C22orf39: variants seen among roughly 807,000 people sequenced by gnomAD.
The protein encoded by C22orf39 is chromosome 22 open reading frame 39.
C22orf39 carries 20 observed loss-of-function variants against 18.3 expected under a neutral mutation model. The ratio of observed to expected loss-of-function variants is 1.09; its 90% confidence interval spans 0.77 to 1.59. The LOEUF is 1.59. C22orf39 is among the 40% of genes most tolerant of loss of function. The pLI is 0.00. For missense variants in C22orf39, 195 were observed against 156.1 expected, an observed-to-expected ratio of 1.25 and a Z score of -1.33; for synonymous variants, 63 against 59.6, an observed-to-expected ratio of 1.06 and a Z score of -0.26.
In C22orf39 at chr22:19,447,395, G is replaced by A. The variant is rs2089647432; in HGVS notation, c.175C>T (p.Arg59Trp). 3 of 1,503,316 alleles carry A rather than the reference G, an allele frequency of 2.0e-6. No homozygotes were observed. The highest frequency in any genetic ancestry group is 2.3e-4 in the Middle Eastern group (1 of 4,364). The allele number at this position is 1,503,316 out of a possible 1,614,324, so 93.1% of individuals were successfully genotyped here. A position where few individuals can be genotyped will look rare whatever the true frequency, so the allele number is the denominator to read the frequency against. The change falls in exon 2 of 3, where the codon CGG becomes TGG. Residue 59 changes from arginine to tryptophan, a missense_variant. By Grantham distance (101) the Arg-to-Trp change is moderately radical. Coordinates refer to ENST00000399562, the MANE Select transcript of C22orf39 (RefSeq NM_173793.5). ...LASCRDWEER[R>W]NAEAQQSLCE... ...CGGCGCACCTGGGCCTCGGCGTTCC[G>A]GCGCTCCTCCCAGTCGCGGCAGCTG...
At position 19,447,560 on chromosome 22, in the gene C22orf39, GGCGCCTGAGCGGGGCCCGGCGGCC is replaced by G. The variant is rs2089649810; in HGVS notation, c.25-39_25-16del. On this transcript the variant is annotated splice_polypyrimidine_tract_variant and intron_variant, in intron 1 of 2. Transcript: ENST00000399562. ...GGGCGCGGCGGCTGCGGCGAGAGGC[GGCGCCTGAGCGGGGCCCGGCGGCC>G]GCGCCCTACGCCCCGAGCCAGTCCC... 7.1e-7 allele frequency: 1 copy of G among 1,413,536 alleles called. No homozygotes were observed. The highest frequency in any genetic ancestry group is 9.2e-7 in the Non-Finnish European group (1 of 1,089,704). 87.6% of individuals were successfully genotyped at this position (1,413,536 alleles called of 1,614,324 possible).
Position 19,441,361 on chromosome 22 carries a change from T to C in C22orf39, c.*2904A>G, listed in dbSNP as rs1043309045. 3.0e-6 allele frequency: 1 copy of C among 335,176 alleles called. No homozygotes were observed. The highest frequency in any genetic ancestry group is 2.1e-5 in the African/African-American group (1 of 47,184). The allele number at this position is 335,176 out of a possible 1,614,324, so 20.8% of individuals were successfully genotyped here. A position where few individuals can be genotyped will look rare whatever the true frequency, so the allele number is the denominator to read the frequency against. ...AGAATTTCCTTGAGTTTCATCTGAG[T>C]TGCTGTGTGTACAGCAGTTACTGAA... On this transcript the variant is annotated 3_prime_UTR_variant, in exon 3 of 3. Coordinates refer to ENST00000399562, the MANE Select transcript of C22orf39 (RefSeq NM_173793.5).
In C22orf39 at chr22:19,443,368, G is replaced by C; in HGVS notation, c.*897C>G. On this transcript the variant is annotated 3_prime_UTR_variant, in exon 3 of 3. Coordinates refer to ENST00000399562, the MANE Select transcript of C22orf39 (RefSeq NM_173793.5). ...AATAAACAGACCTCTTCAAGAAATA[G>C]TGTTTTTGGTGGTTCATACATTTTA... The C allele has an allele frequency of 1.0e-6, 1 of 985,668 alleles. No individual in the cohort carries two copies. Among genetic ancestry groups the C allele is most frequent in the East Asian group, 1.1e-4 (1 of 8,822 alleles). 61.1% of individuals were successfully genotyped at this position (985,668 alleles called of 1,614,324 possible). A position where few individuals can be genotyped will look rare whatever the true frequency, so the allele number is the denominator to read the frequency against.
rs1292142547 is a variant in C22orf39, at chr22:19,441,839, T to C, written c.*2426A>G. On this transcript the variant is annotated 3_prime_UTR_variant, in exon 3 of 3. Coordinates refer to ENST00000399562, the MANE Select transcript of C22orf39 (RefSeq NM_173793.5). ...ACAGGATATTGCTCTGTCACCCAGG[T>C]TGAAGTGCAGTGGGGCACAATCATG... is the stretch of plus-strand genomic sequence containing the variant. 5.3e-6 allele frequency: 6 copies of C among 1,124,088 alleles called. No individual in the cohort carries two copies. The highest frequency in any genetic ancestry group is 7.4e-6 in the Non-Finnish European group (6 of 814,742). The allele number at this position is 1,124,088 out of a possible 1,614,324, so 69.6% of individuals were successfully genotyped here. A position where few individuals can be genotyped will look rare whatever the true frequency, so the allele number is the denominator to read the frequency against.
At position 19,447,468 on chromosome 22, in the gene C22orf39, G is replaced by GT; in HGVS notation, c.101dup (p.Tyr34Ter). The GT allele has an allele frequency of 1.3e-6, 2 of 1,520,048 alleles. No homozygotes were observed. Among genetic ancestry groups the GT allele is most frequent in the Non-Finnish European group, 1.7e-6 (2 of 1,143,000 alleles). 94.2% of individuals were successfully genotyped at this position (1,520,048 alleles called of 1,614,324 possible). ...CGCAGGCCGGCCGCTCGCCGTGGAC[G>GT]TAGTAGTGGTGTAGGAAGTGCCTGG... ...RSARHFLHHY[Y>*]VHGERPACEQ... Residue 34 changes from tyrosine (Y) to a stop codon, truncating the protein, a stop_gained and frameshift_variant, in exon 2 of 3, where the codon TAC (tyrosine) becomes TAAC (stop). Coordinates refer to ENST00000399562, the MANE Select transcript of C22orf39 (RefSeq NM_173793.5). LOFTEE classifies it high-confidence loss of function.
intron 2 of C22orf39, among the ~76,000 whole-genome samples, 165 bp downstream of exon 2, chr22:19,447,213 T>C (rs2089645903): frequency 6.6e-6 from 1 of 152,224 alleles, no homozygotes; most frequent in South Asian, 2.1e-4. Flanking sequence ...CTGAAAGTCC[T>C]GTTGATATGC....
At position 19,441,568 on chromosome 22, in the gene C22orf39, G is replaced by A; in HGVS notation, c.*2697C>T. On this transcript the variant is annotated 3_prime_UTR_variant, in exon 3 of 3. Coordinates refer to ENST00000399562, the MANE Select transcript of C22orf39 (RefSeq NM_173793.5). ...TTTAGAGATGGGGTCTTGCTCTGTT[G>A]CCCAGGCTGGAGTGCAGTGGCACGA... The A allele has an allele frequency of 1.4e-6, 1 of 701,126 alleles. No homozygotes were observed. Among genetic ancestry groups the A allele is most frequent in the Non-Finnish European group, 2.6e-6 (1 of 389,668 alleles). The allele number at this position is 701,126 out of a possible 1,614,324, so 43.4% of individuals were successfully genotyped here. A position where few individuals can be genotyped will look rare whatever the true frequency, so the allele number is the denominator to read the frequency against.
intron 2 of C22orf39, among the ~76,000 whole-genome samples, chr22:19,446,879 C>G (rs1443260800): frequency 6.6e-6 from 1 of 152,132 alleles, no homozygotes; most frequent in East Asian, 1.9e-4. Context: ...ACAGACTGAT[C>G]TTTTAAAGAT....
intron 2 of C22orf39, among the ~76,000 whole-genome samples, chr22:19,447,006 G>C (rs2089643993): frequency 6.6e-6 from 1 of 152,082 alleles, no homozygotes; most frequent in Non-Finnish European, 1.5e-5. Context: ...TCTGCTTCAG[G>C]AACCCAGGCC....
chr22:19,447,467 C>A lies in C22orf39; in HGVS notation c.103G>T (p.Val35Phe). The change falls in exon 2 of 3, where the codon GTC becomes TTC. Residue 35 changes from valine to phenylalanine, a missense_variant. Val to Phe is a conservative substitution (Grantham distance 50, BLOSUM62 -1). Coordinates refer to ENST00000399562, the MANE Select transcript of C22orf39 (RefSeq NM_173793.5). ...TCGCAGGCCGGCCGCTCGCCGTGGA[C>A]GTAGTAGTGGTGTAGGAAGTGCCTG... is the stretch of plus-strand genomic sequence containing the variant. ...SARHFLHHYYVHGERPACEQW... is the reference protein window; with the variant it reads ...SARHFLHHYYFHGERPACEQW... 2 of 1,520,402 alleles carry A rather than the reference C, an allele frequency of 1.3e-6. No homozygotes were observed. Among genetic ancestry groups the A allele is most frequent in the Non-Finnish European group, 8.7e-7 (1 of 1,143,204 alleles). The allele number at this position is 1,520,402 out of a possible 1,614,324, so 94.2% of individuals were successfully genotyped here. A position where few individuals can be genotyped will look rare whatever the true frequency, so the allele number is the denominator to read the frequency against.
rs1477699295 is a variant in C22orf39 at position 19,441,505 on chromosome 22, T to C, written c.*2760A>G. 3.3e-6 allele frequency: 2 copies of C among 597,220 alleles called. No homozygotes were observed. 37.0% of individuals were successfully genotyped at this position (597,220 alleles called of 1,614,324 possible). A position where few individuals can be genotyped will look rare whatever the true frequency, so the allele number is the denominator to read the frequency against. ...AAAATACTTATTATTAATATGGGGT[T>C]TTATCCAAAACATTTATTTTTATTT... On this transcript the variant is annotated 3_prime_UTR_variant, in exon 3 of 3. Coordinates refer to ENST00000399562, the MANE Select transcript of C22orf39 (RefSeq NM_173793.5).
chr22:19,447,036 G>A (rs541794003), intron 2 of C22orf39, among the ~76,000 whole-genome samples: 2 of 152,258 alleles, frequency 1.3e-5, no homozygotes, highest in African/African-American at 4.8e-5. Flanking sequence ...TCTCAGCGGT[G>A]TCTACCGGGG....
At chr22:19,446,146 G>A (rs1205998008) in intron 2 of C22orf39, among the ~76,000 whole-genome samples, 1 of 151,962 alleles carries the variant, frequency 6.6e-6, no homozygotes, top group Non-Finnish European at 1.5e-5. Context: ...TTGCTTCTTT[G>A]TGTCCTTTGG....
chr22:19,444,894 T>A (rs2089632337), intron 2 of C22orf39, among the ~76,000 whole-genome samples: 1 of 152,080 alleles, frequency 6.6e-6, no homozygotes, highest in Admixed American at 6.5e-5. Context: ...CCCGCCTGAG[T>A]GGTGCCACAA....
Position 19,444,181 on chromosome 22 carries a change from A to T in C22orf39, c.*84T>A, listed in dbSNP as rs2089628115. On this transcript the variant is annotated 3_prime_UTR_variant, in exon 3 of 3. Transcript: ENST00000399562. ...CTCACAGGGACCCACCAGACTGTGTAGGCTGGTCACAGTCCCCAGGGCTGT... is the reference window on the plus strand; with the variant it reads ...CTCACAGGGACCCACCAGACTGTGTTGGCTGGTCACAGTCCCCAGGGCTGT... 17 of 1,461,568 alleles carry T rather than the reference A, an allele frequency of 1.2e-5. No homozygotes were observed. The highest frequency in any genetic ancestry group is 1.5e-5 in the Non-Finnish European group (17 of 1,114,988). 90.5% of individuals were successfully genotyped at this position (1,461,568 alleles called of 1,614,324 possible).
At chr22:19,446,219 T>TAC (rs925884474) in intron 2 of C22orf39, among the ~76,000 whole-genome samples, 1 of 152,176 alleles carries the variant, frequency 6.6e-6, no homozygotes. Flanking sequence ...CAGCTCTTTA[T>TAC]ACACACACAC....
Position 19,440,985 on chromosome 22 carries a change from C to G in C22orf39, c.*3280G>C, listed in dbSNP as rs2089609328. ...CTGGGTACCCTTGCCCCAGCCTCCC[C>G]CAATGTTAACACCTTATACACTACA... On this transcript the variant is annotated 3_prime_UTR_variant, in exon 3 of 3. Coordinates refer to ENST00000399562, the MANE Select transcript of C22orf39 (RefSeq NM_173793.5). 1 of 152,192 alleles carries G rather than the reference C, an allele frequency of 6.6e-6. No homozygotes were observed. Among genetic ancestry groups the G allele is most frequent in the Admixed American group, 6.5e-5 (1 of 15,268 alleles). 9.4% of individuals were successfully genotyped at this position (152,192 alleles called of 1,614,324 possible). A position where few individuals can be genotyped will look rare whatever the true frequency, so the allele number is the denominator to read the frequency against.
Position 19,441,487 on chromosome 22 carries a change from T to G in C22orf39, c.*2778A>C. On this transcript the variant is annotated 3_prime_UTR_variant, in exon 3 of 3. Coordinates refer to ENST00000399562, the MANE Select transcript of C22orf39 (RefSeq NM_173793.5). ...TATGCCAGATAATAATGTAAAATAC[T>G]TATTATTAATATGGGGTTTTATCCA... 2 of 590,698 alleles carry G rather than the reference T, an allele frequency of 3.4e-6. No homozygotes were observed. The highest frequency in any genetic ancestry group is 6.0e-6 in the Non-Finnish European group (2 of 333,658). 36.6% of individuals were successfully genotyped at this position (590,698 alleles called of 1,614,324 possible). A position where few individuals can be genotyped will look rare whatever the true frequency, so the allele number is the denominator to read the frequency against.
Position 19,447,662 on chromosome 22 carries a change from C to T in C22orf39, c.24+3G>A. Reference sequence around the variant, plus strand: ...GTTCCCGGCTCCGACCCAGCACACTCACCTGCCAGCCGCTGCCGTCCGCCA... The same window carrying T: ...GTTCCCGGCTCCGACCCAGCACACTTACCTGCCAGCCGCTGCCGTCCGCCA... On this transcript the variant is annotated splice_donor_region_variant and intron_variant, in intron 1 of 2. Transcript: ENST00000399562. 6.2e-7 allele frequency: 1 copy of T among 1,610,932 alleles called. No individual in the cohort carries two copies. The highest frequency in any genetic ancestry group is 8.5e-7 in the Non-Finnish European group (1 of 1,178,932).
Sources: gnomAD v4.1 joint callset for allele counts (sites outside exome capture counted in the v4.1 genomes callset) on GRCh38, gnomAD v4.1.1 for gene constraint, MANE v1.5 for transcripts, NCBI Gene and HGNC (gene_info 2026-07-23, HGNC 2026-07-21) for gene names.